SHOC2: variants seen among roughly 807,000 people sequenced by gnomAD.
SHOC2 encodes leucine-rich repeat protein SHOC-2.
Under a neutral mutation model 50.2 loss-of-function variants are expected in SHOC2, and 4 were observed. That is an observed-to-expected ratio of 0.08 (90% CI 0.04 to 0.18). The LOEUF (loss-of-function observed/expected upper bound fraction) is 0.18. Ranked by LOEUF, SHOC2 falls within the 10% of genes least tolerant of loss-of-function variation. The pLI is 1.00. For missense variants in SHOC2, 388 were observed against 669.6 expected, an observed-to-expected ratio of 0.58 and a Z score of 4.64; for synonymous variants, 218 against 244.5, an observed-to-expected ratio of 0.89 and a Z score of 1.01.
intron 2 of SHOC2, among the ~76,000 whole-genome samples, chr10:110,982,726 T>C (rs1848006338): frequency 6.6e-6 from 1 of 152,208 alleles, no homozygotes; most frequent in South Asian, 2.1e-4. Context: ...TTGTAAATTT[T>C]CTAATATTTT....
intron 2 of SHOC2, among the ~76,000 whole-genome samples, chr10:110,966,147 TGTG>T (rs1043320802): frequency 6.6e-6 from 1 of 152,102 alleles, no homozygotes; most frequent in Non-Finnish European, 1.5e-5. Flanking sequence ...TGAAAAAAGA[TGTG>T]GTTTAAATTT....
chr10:111,011,417 A>G lies in SHOC2; in HGVS notation c.1541-193A>G, dbSNP rs530131545. ...GTGTGACCTGGACATATAGGAGTTT[A>G]AAAAGTCTTCCAAGTTGATTTGAAT... is the stretch of plus-strand genomic sequence containing the variant. On this transcript the variant is annotated intron_variant, in intron 8 of 8. Transcript: ENST00000369452. Among the ~76,000 whole-genome samples, 4 of 152,276 alleles carry G rather than the reference A, an allele frequency of 2.6e-5. No homozygotes were observed. The South Asian group carries it at 8.3e-4, about 32-fold the overall frequency.
chr10:110,931,355 A>C (rs1161107720), intron 1 of SHOC2, among the ~76,000 whole-genome samples: 1 of 152,142 alleles, frequency 6.6e-6, no homozygotes, highest in Non-Finnish European at 1.5e-5. Flanking sequence ...GTAAACAATA[A>C]CATTCTTTTG....
intron 1 of SHOC2, among the ~76,000 whole-genome samples, chr10:110,923,756 T>C (rs1272528939): frequency 5.3e-5 from 8 of 152,196 alleles, no homozygotes; most frequent in Admixed American, 2.0e-4. Context: ...TTGGTCCCTA[T>C]GTGAAATGAA....
rs1037134116 is a variant in SHOC2, at chr10:111,006,834, C to T, written c.1162-697C>T. Among the ~76,000 whole-genome samples the T allele has an allele frequency of 2.6e-5, 4 of 152,050 alleles. 1 individual carries two copies. Among genetic ancestry groups the T allele is most frequent in the African/African-American group, 7.2e-5 (3 of 41,386 alleles). ...ACCCCTAACACATAACATTGTGGTA[C>T]GAGTTGTTATTGATGAAAGTATACT... On this transcript the variant is annotated intron_variant, in intron 5 of 8. Coordinates refer to ENST00000369452, the MANE Select transcript of SHOC2 (RefSeq NM_007373.4).
At chr10:110,956,449 A>C (rs1301488658) in intron 1 of SHOC2, among the ~76,000 whole-genome samples, 1 of 152,112 alleles carries the variant, frequency 6.6e-6, no homozygotes. Context: ...ACTCCTGACT[A>C]CATTTCATAC....
chr10:110,974,095 A>G (rs1847832804), intron 2 of SHOC2, among the ~76,000 whole-genome samples: 1 of 151,896 alleles, frequency 6.6e-6, no homozygotes, highest in Admixed American at 6.6e-5. Flanking sequence ...AAGTTGGTCA[A>G]TTAGATTGAT....
intron 1 of SHOC2, among the ~76,000 whole-genome samples, chr10:110,931,302 A>AG (rs1846892039): frequency 6.6e-6 from 1 of 152,130 alleles, no homozygotes; most frequent in Admixed American, 6.5e-5. Context: ...CCCCTACCTC[A>AG]GGTTCACTTG....
At chr10:111,008,155 C>T (rs1359256542) in intron 6 of SHOC2, among the ~76,000 whole-genome samples, 2 of 145,732 alleles carry the variant, frequency 1.4e-5, no homozygotes, top group African/African-American at 5.1e-5. Context: ...AGAATGCCCT[C>T]TTCTCATCCC....
chr10:110,920,940 C>G (rs1271821452), intron 1 of SHOC2, among the ~76,000 whole-genome samples: 1 of 152,146 alleles, frequency 6.6e-6, no homozygotes, highest in Non-Finnish European at 1.5e-5. Context: ...ACTACTATAT[C>G]AAAAGCTTTT....
chr10:110,990,600 C>T (rs968528417), intron 3 of SHOC2, among the ~76,000 whole-genome samples: 5 of 152,062 alleles, frequency 3.3e-5, no homozygotes, highest in Non-Finnish European at 7.4e-5. Flanking sequence ...ACAGGCCACT[C>T]GGCTCTACCA....
At position 110,963,529 on chromosome 10, in the gene SHOC2, C is replaced by G. The variant is rs141199500; in HGVS notation, c.-234-596C>G. 1.6e-3 allele frequency among the ~76,000 whole-genome samples: 245 copies of G among 152,228 alleles called. 2 individuals are homozygous for G. Among genetic ancestry groups the G allele is most frequent in the African/African-American group, 5.7e-3 (236 of 41,540 alleles). On this transcript the variant is annotated intron_variant, in intron 1 of 8. Coordinates refer to ENST00000369452, the MANE Select transcript of SHOC2 (RefSeq NM_007373.4). ...TTTTTTTCTTTTGCCAGACTGCTCT[C>G]TCTTCTATCGTCACCACCACTGAAA...
At position 110,975,735 on chromosome 10, in the gene SHOC2, A is replaced by G. The variant is rs1214040634; in HGVS notation, c.704-9893A>G. Among the ~76,000 whole-genome samples, 6 of 152,246 alleles carry G rather than the reference A, an allele frequency of 3.9e-5. No individual in the cohort carries two copies. The South Asian group carries it at 1.2e-3, about 32-fold the overall frequency. On this transcript the variant is annotated intron_variant, in intron 2 of 8. Transcript: ENST00000369452. ...ATTACTGGTGATTTTGACCTCGACC[A>G]GTTGGTTAATGCTTCTCCACAGCTT...
intron 5 of SHOC2, among the ~76,000 whole-genome samples, chr10:111,006,423 T>C (rs191040558): frequency 2.6e-4 from 39 of 152,248 alleles, no homozygotes; most frequent in Non-Finnish European, 4.9e-4. Context: ...CAGGCTGGAG[T>C]GCAGTGGCGG....
At chr10:110,976,630 T>C (rs1847883277) in intron 2 of SHOC2, among the ~76,000 whole-genome samples, 1 of 152,222 alleles carries the variant, frequency 6.6e-6, no homozygotes, top group Non-Finnish European at 1.5e-5. Context: ...TTTTGAAAGC[T>C]GTTTTTCCTA....
chr10:110,947,252 G>C (rs1270037963), intron 1 of SHOC2, among the ~76,000 whole-genome samples: 6 of 152,214 alleles, frequency 3.9e-5, no homozygotes, highest in Admixed American at 3.9e-4. Flanking sequence ...CCAGGCACCA[G>C]GCCAGATCCC....
chr10:111,001,451 A>T (rs1418250433), intron 4 of SHOC2, among the ~76,000 whole-genome samples: 4 of 152,120 alleles, frequency 2.6e-5, no homozygotes, highest in Non-Finnish European at 5.9e-5. Flanking sequence ...CACCACAGCC[A>T]GCCAATATAA....
chr10:110,978,511 TC>T (rs1386218835), intron 2 of SHOC2, among the ~76,000 whole-genome samples: 2 of 152,210 alleles, frequency 1.3e-5, no homozygotes. Flanking sequence ...ATCTTTACTC[TC>T]CTATGTTATA....
intron 8 of SHOC2, among the ~76,000 whole-genome samples, chr10:111,010,861 G>A (rs1353685604): frequency 6.6e-6 from 1 of 152,076 alleles, no homozygotes; most frequent in Non-Finnish European, 1.5e-5. Context: ...TATCTTACAT[G>A]TAAACAAATT....
Sources: gnomAD v4.1 joint callset for allele counts (sites outside exome capture counted in the v4.1 genomes callset) on GRCh38, gnomAD v4.1.1 for gene constraint, MANE v1.5 for transcripts, NCBI Gene and HGNC (gene_info 2026-07-23, HGNC 2026-07-21) for gene names.